Variants in CNIH3 observed in about 807,000 individuals in gnomAD.
The protein encoded by CNIH3 is protein cornichon homolog 3.
A neutral mutation model predicts 24.1 loss-of-function variants in CNIH3; 14 were observed. That is an observed-to-expected ratio of 0.58 (90% confidence interval 0.38 to 0.91). CNIH3 has a LOEUF of 0.91. Among genes scored for constraint, CNIH3 ranks in the 40% least tolerant of loss-of-function variants. CNIH3 has a pLI of 0.00. For missense variants in CNIH3, 178 were observed against 196.8 expected (o/e 0.90, Z 0.57); for synonymous variants, 68 against 73.8 (o/e 0.92, Z 0.40).
intron 4 of CNIH3, among the ~76,000 whole-genome samples, chr1:224,573,476 G>A (rs1558173199): frequency 2.0e-5 from 3 of 152,250 alleles, no homozygotes; most frequent in Middle Eastern, 6.8e-3. Flanking sequence ...TGTGCTACTC[G>A]GAGATCTTCA....
intron 1 of CNIH3, among the ~76,000 whole-genome samples, chr1:224,460,296 G>C (rs982459622): frequency 2.6e-5 from 4 of 152,074 alleles, no homozygotes; most frequent in African/African-American, 9.7e-5. Flanking sequence ...GATAAGTTTT[G>C]CCATATGTTT....
rs146125937 is a variant in CNIH3 at position 224,696,966 on chromosome 1, G to A, written c.198+12123G>A. Among the ~76,000 whole-genome samples the A allele has an allele frequency of 3.8e-4, 58 of 152,302 alleles. No individual in the cohort carries two copies. In the East Asian group the frequency reaches 7.7e-3, roughly 20 times the overall value. ...TTGTATTCTTGAAGACAAGGATACC[G>A]TCCTTCTGGTTTCTGCAACTGCTAC... is the stretch of plus-strand genomic sequence containing the variant. On this transcript the variant is annotated intron_variant, in intron 3 of 5. Coordinates refer to ENST00000272133, the MANE Select transcript of CNIH3 (RefSeq NM_152495.2).
chr1:224,726,940 G>A (rs187442032), intron 3 of CNIH3, among the ~76,000 whole-genome samples: 232 of 152,282 alleles, frequency 1.5e-3, no homozygotes, highest in African/African-American at 4.9e-3. Context: ...TGGGGCTGTG[G>A]TGAGCGCTTG....
chr1:224,474,754 C>T (rs1193158000), intron 1 of CNIH3, among the ~76,000 whole-genome samples: 5 of 151,846 alleles, frequency 3.3e-5, no homozygotes, highest in African/African-American at 1.2e-4. Context: ...GGAGCCCGGG[C>T]CGGTGGCTCA....
downstream of CNIH3, among the ~76,000 whole-genome samples, chr1:224,538,659 CTCTCTT>C (rs1218669061): frequency 1.3e-5 from 2 of 148,714 alleles, no homozygotes; most frequent in African/African-American, 5.2e-5. Flanking sequence ...CTCTCTCTCT[CTCTCTT>C]TTTTTTTTTT....
intron 4 of CNIH3, among the ~76,000 whole-genome samples, chr1:224,731,225 G>A (rs1017706239): frequency 6.6e-6 from 1 of 151,986 alleles, no homozygotes; most frequent in African/African-American, 2.4e-5. Context: ...CCACTGAATT[G>A]TACAGTTGTA....
At chr1:224,583,461 A>G (rs555060380) in intron 5 of CNIH3, among the ~76,000 whole-genome samples, 2 of 152,294 alleles carry the variant, frequency 1.3e-5, no homozygotes, top group South Asian at 4.1e-4. Context: ...ATCAGCAGGT[A>G]AGAGACACCC....
chr1:224,656,512 C>A (rs2125111178), intron 1 of CNIH3, among the ~76,000 whole-genome samples: 1 of 152,218 alleles, frequency 6.6e-6, no homozygotes, highest in East Asian at 1.9e-4. Flanking sequence ...GATTTCTTAT[C>A]TAGGATCTTT....
At chr1:224,663,620 G>A (rs1302007671) in intron 1 of CNIH3, among the ~76,000 whole-genome samples, 1 of 152,166 alleles carries the variant, frequency 6.6e-6, no homozygotes, top group Non-Finnish European at 1.5e-5. Context: ...CAAACAAATA[G>A]TTGGAGGGCT....
At chr1:224,701,218 A>G (rs1212328137) in intron 3 of CNIH3, among the ~76,000 whole-genome samples, 6 of 142,616 alleles carry the variant, frequency 4.2e-5, no homozygotes, top group East Asian at 2.0e-4. Context: ...TTTTTGCTGG[A>G]GGAGGCGAGG....
At chr1:224,634,203 C>T (rs1255711656) in intron 1 of CNIH3, among the ~76,000 whole-genome samples, 1 of 152,220 alleles carries the variant, frequency 6.6e-6, no homozygotes, top group African/African-American at 2.4e-5. Flanking sequence ...CTGCAGCTTT[C>T]ACAGCATCCA....
intron 2 of CNIH3, among the ~76,000 whole-genome samples, chr1:224,534,592 T>G (rs1023741248): frequency 2.6e-5 from 4 of 152,204 alleles, no homozygotes; most frequent in African/African-American, 9.7e-5. Flanking sequence ...GAGATTATTT[T>G]TCTTGAGTTA....
At chr1:224,678,098 T>C (rs1348071503) in intron 1 of CNIH3, among the ~76,000 whole-genome samples, 2 of 152,146 alleles carry the variant, frequency 1.3e-5, no homozygotes, top group Admixed American at 6.5e-5. Flanking sequence ...CTGTGTTTAT[T>C]AGGATTTATA....
In CNIH3 at chr1:224,470,604, G is replaced by A. The variant is rs560437322; in HGVS notation, n.203+35742G>A. ...CAAAGTGTTGGGATTACAGGTGTGAGCCACCACACCCAGCCCTCTTTCAGT... is the reference window on the plus strand; with the variant it reads ...CAAAGTGTTGGGATTACAGGTGTGAACCACCACACCCAGCCCTCTTTCAGT... On this transcript the variant is annotated intron_variant and non_coding_transcript_variant, in intron 1 of 5. Transcript: ENST00000471578. 1.2e-4 allele frequency among the ~76,000 whole-genome samples: 18 copies of A among 152,252 alleles called. No homozygotes were observed. The South Asian group carries it at 3.5e-3, about 30-fold the overall frequency.
intron 5 of CNIH3, among the ~76,000 whole-genome samples, chr1:224,588,128 C>T (rs1351251917): frequency 1.3e-5 from 2 of 152,072 alleles, no homozygotes; most frequent in East Asian, 1.9e-4. Flanking sequence ...CCCCCATGTT[C>T]GTTCCCTCCC....
At chr1:224,702,783 G>A (rs1234008142) in intron 3 of CNIH3, among the ~76,000 whole-genome samples, 1 of 152,160 alleles carries the variant, frequency 6.6e-6, no homozygotes, top group Non-Finnish European at 1.5e-5. Flanking sequence ...TGCCAAGGTG[G>A]AGACTTCTAC....
chr1:224,449,872 G>C (rs998333027), intron 1 of CNIH3, among the ~76,000 whole-genome samples: 4 of 151,980 alleles, frequency 2.6e-5, no homozygotes, highest in African/African-American at 9.7e-5. Context: ...AGACCTCTTG[G>C]GGCTTCTGGA....
At chr1:224,575,302 C>T in intron 4 of CNIH3, 4 of 1,041,886 alleles carry the variant, frequency 3.8e-6, no homozygotes, top group Non-Finnish European at 4.5e-6. Flanking sequence ...GATATGACCA[C>T]CTTATTCAGT....
At chr1:224,605,539 A>G (rs1339861017) in intron 3 of CNIH3, among the ~76,000 whole-genome samples, 1 of 152,344 alleles carries the variant, frequency 6.6e-6, no homozygotes, top group Admixed American at 6.5e-5. Context: ...TGAATTCTAC[A>G]TAATTCCCAG....
Sources: gnomAD v4.1 joint callset for allele counts (sites outside exome capture counted in the v4.1 genomes callset) on GRCh38, gnomAD v4.1.1 for gene constraint, MANE v1.5 for transcripts, NCBI Gene and HGNC (gene_info 2026-07-23, HGNC 2026-07-21) for gene names.